SPOCK3: variants seen among roughly 807,000 people sequenced by gnomAD.
The protein encoded by SPOCK3 is testican-3.
A neutral mutation model predicts 56.6 loss-of-function variants in SPOCK3; 30 were observed. That is an observed-to-expected ratio of 0.53 (90% CI 0.40 to 0.72). SPOCK3 has a LOEUF of 0.72. Ranked by LOEUF, SPOCK3 falls within the 30% of genes least tolerant of loss-of-function variation. The pLI, the probability that SPOCK3 is intolerant of heterozygous loss-of-function variation, is 0.00. For missense variants in SPOCK3, 527 were observed against 530.0 expected (o/e 0.99, Z 0.06); for synonymous variants, 196 against 183.3 (o/e 1.07, Z -0.56).
In SPOCK3 at chr4:166,782,876, C is replaced by G. The variant is rs537182677; in HGVS notation, c.709+9294G>C. Among the ~76,000 whole-genome samples the G allele has an allele frequency of 6.6e-5, 10 of 152,092 alleles. No individual in the cohort carries two copies. In the South Asian group the frequency reaches 2.1e-3, roughly 32 times the overall value. On this transcript the variant is annotated intron_variant, in intron 7 of 10. Coordinates refer to ENST00000357545, the MANE Select transcript of SPOCK3 (RefSeq NM_001040159.2). ...TTGTGAGAAAGACTTTCTTAAAGAA[C>G]ATGAACTAAGAGATATTCTAAAGTC...
rs182910040 is a variant in SPOCK3 at position 167,168,713 on chromosome 4, C to G, written c.189+65272G>C. ...TTCTGGGGAGAAATTCCAGCAGTTG[C>G]AGAAATTTGCGTAAGTAACAAGGAG... On this transcript the variant is annotated intron_variant, in intron 2 of 10. Coordinates refer to ENST00000357545, the MANE Select transcript of SPOCK3 (RefSeq NM_001040159.2). Among the ~76,000 whole-genome samples, 9 of 152,176 alleles carry G rather than the reference C, an allele frequency of 5.9e-5. No individual in the cohort carries two copies. The East Asian group carries it at 1.7e-3, about 29-fold the overall frequency.
At chr4:166,755,070 ATATG>A (rs1369648140) in intron 7 of SPOCK3, among the ~76,000 whole-genome samples, 2 of 152,088 alleles carry the variant, frequency 1.3e-5, no homozygotes, top group Non-Finnish European at 2.9e-5. Flanking sequence ...CTCATTAGAT[ATATG>A]TAAATACTAT....
At chr4:166,864,115 A>T (rs1382746054) in intron 6 of SPOCK3, among the ~76,000 whole-genome samples, 1 of 152,122 alleles carries the variant, frequency 6.6e-6, no homozygotes. Flanking sequence ...TTAGAACTCA[A>T]GATTAAGAAA....
chr4:167,010,193 T>A (rs1749889947), intron 3 of SPOCK3, among the ~76,000 whole-genome samples: 1 of 152,048 alleles, frequency 6.6e-6, no homozygotes, highest in South Asian at 2.1e-4. Context: ...ACATGTGAAA[T>A]CATATATTGC....
chr4:166,983,860 T>C (rs1466357019), intron 4 of SPOCK3, among the ~76,000 whole-genome samples: 1 of 152,028 alleles, frequency 6.6e-6, no homozygotes, highest in Non-Finnish European at 1.5e-5. Flanking sequence ...TTTTCTACAA[T>C]GGGTAGTACC....
chr4:167,153,163 T>C (rs1361106991), intron 2 of SPOCK3, among the ~76,000 whole-genome samples: 4 of 152,194 alleles, frequency 2.6e-5, no homozygotes, highest in African/African-American at 7.2e-5. Flanking sequence ...CCACCACATA[T>C]GGTTAGTATG....
At chr4:167,109,471 A>G (rs1760687309) in intron 2 of SPOCK3, among the ~76,000 whole-genome samples, 1 of 103,478 alleles carries the variant, frequency 9.7e-6, no homozygotes, top group African/African-American at 3.5e-5. Flanking sequence ...TATAGTTATA[A>G]TATATTTATA....
intron 2 of SPOCK3, among the ~76,000 whole-genome samples, chr4:167,121,255 G>T (rs1461678247): frequency 1.3e-5 from 2 of 151,888 alleles, no homozygotes; most frequent in Non-Finnish European, 2.9e-5. Context: ...CCAGGTTAAA[G>T]AAGTTTATTC....
At chr4:167,068,794 G>A (rs1756401140) in intron 2 of SPOCK3, among the ~76,000 whole-genome samples, 1 of 151,840 alleles carries the variant, frequency 6.6e-6, no homozygotes, top group Non-Finnish European at 1.5e-5. Flanking sequence ...GTGACTTCAA[G>A]GAGCTCAGAA....
chr4:167,038,564 T>A lies in SPOCK3; in HGVS notation c.235+23928A>T, dbSNP rs111413363. On this transcript the variant is annotated intron_variant, in intron 3 of 10. Transcript: ENST00000357545. ...ACAGGGGCAGGGAGGCTCTAATTGGTCAGATCTGTGTCACATGACCACTCC... is the reference window on the plus strand; with the variant it reads ...ACAGGGGCAGGGAGGCTCTAATTGGACAGATCTGTGTCACATGACCACTCC... Among the ~76,000 whole-genome samples, 679 of 150,144 alleles carry A rather than the reference T, an allele frequency of 4.5e-3. 2 individuals carry two copies. Among genetic ancestry groups the A allele is most frequent in the Non-Finnish European group, 6.7e-3 (453 of 67,814 alleles).
At chr4:167,010,769 G>T (rs1749962745) in intron 3 of SPOCK3, among the ~76,000 whole-genome samples, 1 of 152,034 alleles carries the variant, frequency 6.6e-6, no homozygotes, top group Non-Finnish European at 1.5e-5. Context: ...TTGATGATTT[G>T]AAATTAGTTA....
intron 6 of SPOCK3, among the ~76,000 whole-genome samples, chr4:166,862,684 G>C (rs952758312): frequency 1.3e-5 from 2 of 151,918 alleles, no homozygotes; most frequent in Non-Finnish European, 2.9e-5. Flanking sequence ...TGATGATGCT[G>C]ATTTTTCCCC....
At chr4:166,963,629 CT>C (rs896114029) in intron 4 of SPOCK3, among the ~76,000 whole-genome samples, 3 of 151,750 alleles carry the variant, frequency 2.0e-5, no homozygotes, top group Non-Finnish European at 3.0e-5. Flanking sequence ...CACTTTATTT[CT>C]TTTTTTATTC....
intron 6 of SPOCK3, among the ~76,000 whole-genome samples, chr4:166,838,691 G>A (rs1579374725): frequency 7.1e-6 from 1 of 141,404 alleles, no homozygotes; most frequent in South Asian, 2.9e-4. Context: ...GGTGGCTCAC[G>A]CCTATAACCC....
At chr4:166,894,496 T>C (rs1735147166) in intron 5 of SPOCK3, among the ~76,000 whole-genome samples, 1 of 152,152 alleles carries the variant, frequency 6.6e-6, no homozygotes, top group Non-Finnish European at 1.5e-5. Flanking sequence ...TACAAGTTAA[T>C]TTTTCATTTT....
chr4:166,764,996 A>G (rs979351945), intron 7 of SPOCK3, among the ~76,000 whole-genome samples: 5 of 152,076 alleles, frequency 3.3e-5, no homozygotes, highest in African/African-American at 4.8e-5. Flanking sequence ...TTCTTTTGAG[A>G]AGTGTCTGTT....
chr4:166,765,941 T>C, intron 7 of SPOCK3, among the ~76,000 whole-genome samples: 1 of 152,120 alleles, frequency 6.6e-6, no homozygotes, highest in Non-Finnish European at 1.5e-5. Flanking sequence ...TTTATTCTCT[T>C]TGAAGCAATT....
intron 2 of SPOCK3, among the ~76,000 whole-genome samples, chr4:167,209,022 T>C (rs999814430): frequency 7.2e-5 from 11 of 152,144 alleles, no homozygotes; most frequent in Non-Finnish European, 1.2e-4. Flanking sequence ...ACAAATGAAG[T>C]GGATGAATAT....
Position 166,763,226 on chromosome 4 carries a change from C to A in SPOCK3, c.710-8497G>T, listed in dbSNP as rs570444824. On this transcript the variant is annotated intron_variant, in intron 7 of 10. Transcript: ENST00000357545. ...AGATGAGAATGGCAGCAAGCTTCTC[C>A]TCAGAGGCTATGAAGCCCAGAAGAC... Among the ~76,000 whole-genome samples the A allele has an allele frequency of 4.5e-4, 69 of 152,004 alleles. 1 individual carries two copies. Among genetic ancestry groups the A allele is most frequent in the Non-Finnish European group, 5.9e-5 (4 of 67,962 alleles).
Sources: gnomAD v4.1 joint callset for allele counts (sites outside exome capture counted in the v4.1 genomes callset) on GRCh38, gnomAD v4.1.1 for gene constraint, MANE v1.5 for transcripts, NCBI Gene and HGNC (gene_info 2026-07-23, HGNC 2026-07-21) for gene names.